Variants in RORA observed in about 807,000 individuals in gnomAD.
RORA encodes RAR related orphan receptor A.
Under a neutral mutation model 69.5 loss-of-function variants are expected in RORA, and 7 were observed. That is an observed-to-expected ratio of 0.10 (90% confidence interval 0.06 to 0.19). The LOEUF (loss-of-function observed/expected upper bound fraction) is 0.19. Among genes scored for constraint, RORA ranks in the 10% least tolerant of loss-of-function variants. RORA has a pLI of 1.00. For missense variants in RORA, 457 were observed against 663.0 expected, an observed-to-expected ratio of 0.69 and a Z score of 3.41; for synonymous variants, 261 against 240.8, an observed-to-expected ratio of 1.08 and a Z score of -0.78.
At chr15:60,643,678 C>T (rs1679673269) in intron 2 of RORA, among the ~76,000 whole-genome samples, 1 of 152,204 alleles carries the variant, frequency 6.6e-6, no homozygotes, top group South Asian at 2.1e-4. Flanking sequence ...CCTGACCCCT[C>T]TTTTCTCCTT....
At chr15:60,622,430 T>G (rs993361349) in intron 2 of RORA, among the ~76,000 whole-genome samples, 1 of 151,912 alleles carries the variant, frequency 6.6e-6, no homozygotes. Flanking sequence ...CTGGGGAACA[T>G]GTGAAACCCC....
intron 2 of RORA, among the ~76,000 whole-genome samples, chr15:60,651,453 A>G (rs2070141627): frequency 6.6e-6 from 1 of 152,270 alleles, no homozygotes; most frequent in East Asian, 1.9e-4. Context: ...TCCACTTGGC[A>G]TACTCTGGAG....
intron 2 of RORA, among the ~76,000 whole-genome samples, chr15:60,642,024 TGAAAA>T (rs987158427): frequency 6.6e-6 from 1 of 152,162 alleles, no homozygotes; most frequent in African/African-American, 2.4e-5. Flanking sequence ...TCACAGATCT[TGAAAA>T]GGAAAGTGAC....
intron 1 of RORA, among the ~76,000 whole-genome samples, chr15:60,994,637 G>T (rs1479436863): frequency 1.3e-5 from 2 of 152,214 alleles, no homozygotes; most frequent in Admixed American, 1.3e-4. Flanking sequence ...AAGCCTACAT[G>T]ATTATAGCCC....
chr15:60,819,771 A>ACACACG (rs1555455786), intron 1 of RORA, among the ~76,000 whole-genome samples: 18 of 151,156 alleles, frequency 1.2e-4, no homozygotes, highest in Admixed American at 9.9e-4. Flanking sequence ...ACACACACAC[A>ACACACG]CACACACACA....
At chr15:60,632,332 C>T (rs112761282) in intron 2 of RORA, among the ~76,000 whole-genome samples, 22,033 of 152,002 alleles carry the variant, frequency 0.14, 1,846 homozygotes, top group Middle Eastern at 0.24. Context: ...TGGTCTCGAT[C>T]TCCTGACCTC....
At chr15:60,930,964 G>A (rs1323023739) in intron 1 of RORA, among the ~76,000 whole-genome samples, 3 of 152,110 alleles carry the variant, frequency 2.0e-5, no homozygotes, top group Non-Finnish European at 2.9e-5. Flanking sequence ...AACAGAAAGT[G>A]GTCTGTTCTC....
intron 2 of RORA, among the ~76,000 whole-genome samples, chr15:60,569,098 GTAT>G (rs1555432421): frequency 6.6e-6 from 1 of 151,820 alleles, no homozygotes; most frequent in Non-Finnish European, 1.5e-5. Flanking sequence ...GTGGTAAGAG[GTAT>G]TATATATAGA....
At chr15:61,082,031 A>G (rs2078550037) in intron 1 of RORA, among the ~76,000 whole-genome samples, 1 of 152,156 alleles carries the variant, frequency 6.6e-6, no homozygotes, top group Non-Finnish European at 1.5e-5. Flanking sequence ...GGGATACTAC[A>G]CAGTCACCTC....
At position 60,978,961 on chromosome 15, in the gene RORA, C is replaced by CTTTTTTTTTTTTTTT. The variant is rs543353825; in HGVS notation, c.166+250077_166+250091dup. ...GAAGTGTGAGTCCTCCAACTTTGCT[C>CTTTTTTTTTTTTTTT]TTTTTTTTTTTTTTTTTTGAGACGG... On this transcript the variant is annotated intron_variant, in intron 1 of 10. Transcript: ENST00000335670. Among the ~76,000 whole-genome samples the CTTTTTTTTTTTTTTT allele has an allele frequency of 6.2e-3, 589 of 95,092 alleles. 85 individuals are homozygous for CTTTTTTTTTTTTTTT. The highest frequency in any genetic ancestry group is 0.022 in the African/African-American group (544 of 24,394). The allele number at this position is 95,092 out of a possible 152,430, so 62.4% of individuals were successfully genotyped here.
At chr15:61,045,668 G>A (rs1056419917) in intron 1 of RORA, among the ~76,000 whole-genome samples, 30 of 152,166 alleles carry the variant, frequency 2.0e-4, no homozygotes, top group African/African-American at 7.0e-4. Flanking sequence ...TGCAGAGAAT[G>A]AGGGCAGGCC....
intron 1 of RORA, among the ~76,000 whole-genome samples, chr15:60,723,313 A>G (rs1302722228): frequency 6.6e-6 from 1 of 152,192 alleles, no homozygotes; most frequent in Non-Finnish European, 1.5e-5. Flanking sequence ...CTGAAAGAGA[A>G]AAATAGACTG....
chr15:61,140,029 T>A (rs2079283546), intron 1 of RORA, among the ~76,000 whole-genome samples: 1 of 152,196 alleles, frequency 6.6e-6, no homozygotes, highest in African/African-American at 2.4e-5. Context: ...CATTCTCAGT[T>A]GTACTGCTAT....
intron 1 of RORA, among the ~76,000 whole-genome samples, chr15:61,025,467 T>C (rs754491233): frequency 1.3e-5 from 2 of 152,214 alleles, no homozygotes; most frequent in African/African-American, 4.8e-5. Context: ...TGGGAGCTGT[T>C]GTCCTTGAGT....
chr15:60,926,509 G>A (rs980029865), intron 1 of RORA, among the ~76,000 whole-genome samples: 5 of 152,218 alleles, frequency 3.3e-5, no homozygotes, highest in African/African-American at 1.2e-4. Context: ...AACATCGAAT[G>A]ACATTTTAAG....
At chr15:60,586,516 C>T (rs1451375640) in intron 2 of RORA, among the ~76,000 whole-genome samples, 3 of 152,046 alleles carry the variant, frequency 2.0e-5, no homozygotes, top group Admixed American at 6.6e-5. Flanking sequence ...AAATGACTTA[C>T]AGTCTTTCAT....
At chr15:60,772,233 G>A (rs1049725718) in intron 1 of RORA, among the ~76,000 whole-genome samples, 3 of 151,624 alleles carry the variant, frequency 2.0e-5, no homozygotes, top group Non-Finnish European at 2.9e-5. Context: ...GACAGGCCGC[G>A]GTGTGTGATG....
At chr15:60,952,415 A>C (rs987347377) in intron 1 of RORA, among the ~76,000 whole-genome samples, 6 of 152,126 alleles carry the variant, frequency 3.9e-5, no homozygotes, top group Non-Finnish European at 5.9e-5. Flanking sequence ...ACTCCTATTC[A>C]ACATAGTGTT....
chr15:60,730,856 ATT>A (rs56829764), intron 1 of RORA, among the ~76,000 whole-genome samples: 54 of 146,968 alleles, frequency 3.7e-4, no homozygotes, highest in African/African-American at 1.1e-3. Context: ...TAGGAAAAGA[ATT>A]TTTTTTTTTT....
Sources: allele counts gnomAD v4.1 joint callset (sites outside exome capture counted in the v4.1 genomes callset), GRCh38; gene constraint gnomAD v4.1.1; transcripts MANE v1.5; gene names NCBI Gene and HGNC (gene_info 2026-07-23, HGNC 2026-07-21).